The following ITGAD variants were observed in gnomAD, a reference collection of about 807,000 sequenced individuals.
The protein encoded by ITGAD is integrin subunit alpha D, also known as integrin alpha-D.
A neutral mutation model predicts 139.0 loss-of-function variants in ITGAD; 105 were observed. The ratio of observed to expected loss-of-function variants is 0.76; its 90% confidence interval spans 0.65 to 0.89. ITGAD has a LOEUF of 0.89. Ranked by LOEUF, ITGAD falls within the 40% of genes least tolerant of loss-of-function variation. The pLI is 0.00. For synonymous variants in ITGAD, 569 were observed against 598.3 expected (o/e 0.95, Z 0.71); for missense variants, 1,384 against 1,487.3 (o/e 0.93, Z 1.14).
chr16:31,409,181 G>C (rs1567336189), intron 10 of ITGAD, among the ~76,000 whole-genome samples: 1 of 152,032 alleles, frequency 6.6e-6, no homozygotes, highest in African/African-American at 2.4e-5. Context: ...TGTAATCCTA[G>C]CTACTTGGGA....
chr16:31,410,672 G>T, intron 11 of ITGAD, 64 bp from the exon 12 acceptor site: 1 of 1,562,922 alleles, frequency 6.4e-7, no homozygotes, highest in Non-Finnish European at 8.7e-7. Context: ...GCTGCCTGGG[G>T]TGGGGGTCCA....
Position 31,426,185 on chromosome 16 carries a change from A to G in ITGAD, c.*57A>G. On this transcript the variant is annotated 3_prime_UTR_variant, in exon 30 of 30. Transcript: ENST00000389202. ...TGGGCTGGACTTGCTTGCAACCATA[A>G]ATCAACTTACATGGAAACAACTTCT... 8.3e-7 allele frequency: 1 copy of G among 1,204,162 alleles called. No homozygotes were observed. Among genetic ancestry groups the G allele is most frequent in the Non-Finnish European group, 1.2e-6 (1 of 822,158 alleles). 74.6% of individuals were successfully genotyped at this position (1,204,162 alleles called of 1,614,324 possible). A position where few individuals can be genotyped will look rare whatever the true frequency, so the allele number is the denominator to read the frequency against.
At chr16:31,394,369 A>G (rs934633495) in intron 2 of ITGAD, 28 bp downstream of exon 2, 3 of 1,524,384 alleles carry the variant, frequency 2.0e-6, no homozygotes, top group Non-Finnish European at 1.8e-6. Flanking sequence ...TCCTTCCCCA[A>G]CCTCCACTAC....
Position 31,403,092 on chromosome 16 carries a change from G to A in ITGAD, c.559-408G>A, listed in dbSNP as rs1357619816. The A allele has an allele frequency of 6.5e-6, 1 of 153,022 alleles. No homozygotes were observed. The highest frequency in any genetic ancestry group is 6.5e-5 in the Admixed American group (1 of 15,332). 9.5% of individuals were successfully genotyped at this position (153,022 alleles called of 1,614,324 possible). A position where few individuals can be genotyped will look rare whatever the true frequency, so the allele number is the denominator to read the frequency against. ...TTGGGCCAATGAATTTTCTTCTCTG[G>A]GTTTCAGTATATTATTTGTAGGGCT... On this transcript the variant is annotated intron_variant, in intron 6 of 29. Coordinates refer to ENST00000389202, the MANE Select transcript of ITGAD (RefSeq NM_005353.3). The surrounding 1 kb of genome is among the most constrained non-coding windows in gnomAD (Gnocchi z 4.4).
intron 23 of ITGAD, among the ~76,000 whole-genome samples, chr16:31,419,057 G>T (rs1424281194): frequency 6.6e-6 from 1 of 150,760 alleles, no homozygotes; most frequent in Non-Finnish European, 1.5e-5. Context: ...GCTGGGCCTG[G>T]TGGCGCATGC....
At position 31,426,348 on chromosome 16, in the gene ITGAD, G is replaced by C; in HGVS notation, c.*220G>C. 4.1e-6 allele frequency: 2 copies of C among 488,042 alleles called. No individual in the cohort carries two copies. The highest frequency in any genetic ancestry group is 7.4e-6 in the Non-Finnish European group (2 of 270,364). 30.2% of individuals were successfully genotyped at this position (488,042 alleles called of 1,614,324 possible). A position where few individuals can be genotyped will look rare whatever the true frequency, so the allele number is the denominator to read the frequency against. On this transcript the variant is annotated 3_prime_UTR_variant, in exon 30 of 30. Coordinates refer to ENST00000389202, the MANE Select transcript of ITGAD (RefSeq NM_005353.3). ...TTTTACAGAAGCAGGCATGGTGCCA[G>C]CATAAATTTTCATATGCTTAAGAAT...
chr16:31,404,509 A>T (rs1191143066), intron 7 of ITGAD: 1 of 152,180 alleles, frequency 6.6e-6, no homozygotes, highest in African/African-American at 2.4e-5. Flanking sequence ...TGACTCAGCA[A>T]CCCAGAGGAA....
chr16:31,394,137 A>G (rs568896890), intron 1 of ITGAD, 99 bp from the exon 2 acceptor site: 3 of 610,050 alleles, frequency 4.9e-6, no homozygotes, highest in Admixed American at 3.2e-5. Flanking sequence ...TCTCAAAAAA[A>G]AAAAAAAAAA....
chr16:31,402,710 C>T (rs2081439113), intron 6 of ITGAD: 1 of 154,014 alleles, frequency 6.5e-6, no homozygotes, highest in Non-Finnish European at 1.4e-5. Flanking sequence ...TCAAGTGATC[C>T]TCTTTCCTCA....
chr16:31,416,638 G>A lies in ITGAD; in HGVS notation c.2491G>A (p.Gly831Arg), dbSNP rs1597151888. ...AGGGCTGTCGCACCGACGGGTGTCA[G>A]GAGCCCAGGTAACAACTGCTGTAGG... ...PAGLSHRRVS[G>R]AQKQPHQSAL... The change falls in exon 20 of 30, where the codon GGA (glycine) becomes AGA (arginine). Residue 831 changes from glycine to arginine, a missense_variant. Gly to Arg is a moderately radical substitution (Grantham distance 125). Coordinates refer to ENST00000389202, the MANE Select transcript of ITGAD (RefSeq NM_005353.3). The A allele has an allele frequency of 6.2e-7, 1 of 1,608,236 alleles. No homozygotes were observed. Among genetic ancestry groups the A allele is most frequent in the Non-Finnish European group, 8.5e-7 (1 of 1,175,482 alleles).
intron 10 of ITGAD, among the ~76,000 whole-genome samples, chr16:31,409,176 T>C (rs796885243): frequency 1.2e-4 from 19 of 152,232 alleles, no homozygotes; most frequent in African/African-American, 4.6e-4. Flanking sequence ...ATGCCTGTAA[T>C]CCTAGCTACT....
Position 31,407,626 on chromosome 16 carries a change from C to T in ITGAD, c.816C>T (p.Ile272=). Residue 272 remains isoleucine (I), a synonymous_variant, in exon 8 of 30, where the codon ATC becomes ATT. Coordinates refer to ENST00000389202, the MANE Select transcript of ITGAD (RefSeq NM_005353.3). ...YKDPLEYSDV[I]PQAEKAGIIR... ...ACCCCCTGGAATACAGTGATGTCAT[C>T]CCCCAGGCAGAGAAGGCTGGCATCA... 1 of 1,614,120 alleles carries T rather than the reference C, an allele frequency of 6.2e-7. No homozygotes were observed. The highest frequency in any genetic ancestry group is 8.5e-7 in the Non-Finnish European group (1 of 1,179,996).
intron 2 of ITGAD, among the ~76,000 whole-genome samples, 187 bp downstream of exon 2, chr16:31,394,528 T>C (rs2081219067): frequency 6.6e-6 from 1 of 152,104 alleles, no homozygotes. Flanking sequence ...CACAAAACTC[T>C]AGACAAGACC....
chr16:31,394,871 G>C (rs2081227189), intron 2 of ITGAD, among the ~76,000 whole-genome samples: 1 of 152,106 alleles, frequency 6.6e-6, no homozygotes, highest in Non-Finnish European at 1.5e-5. Flanking sequence ...TACAGAGATG[G>C]AGTCTTGCTA....
rs368640711 is a variant in ITGAD, at chr16:31,401,175, G to C, written c.428-940G>C. ...CTCAGGAGACTGAGGTGGGAGAATTGCCTGAGCCTGGGGAGGTCGAGGCTG... is the reference window on the plus strand; with the variant it reads ...CTCAGGAGACTGAGGTGGGAGAATTCCCTGAGCCTGGGGAGGTCGAGGCTG... On this transcript the variant is annotated intron_variant, in intron 5 of 29. Transcript: ENST00000389202. Among the ~76,000 whole-genome samples, 16 of 152,190 alleles carry C rather than the reference G, an allele frequency of 1.1e-4. No homozygotes were observed. The East Asian group carries it at 1.4e-3, about 13-fold the overall frequency.
At position 31,423,690 on chromosome 16, in the gene ITGAD, A is replaced by AC. The variant is rs777388068; in HGVS notation, c.3045+44dup. 1.9e-6 allele frequency: 3 copies of AC among 1,573,658 alleles called. No individual in the cohort carries two copies. In the African/African-American group the frequency reaches 4.1e-5, roughly 21 times the overall value. Reference sequence around the variant, plus strand: ...ACCCCCACCGCCAAGATCAGCCCCCACCGGGGATACTGGGAAATGTACTGC... The same window carrying AC: ...ACCCCCACCGCCAAGATCAGCCCCCACCCGGGGATACTGGGAAATGTACTGC... On this transcript the variant is annotated intron_variant, in intron 26 of 29. Coordinates refer to ENST00000389202, the MANE Select transcript of ITGAD (RefSeq NM_005353.3).
At chr16:31,395,103 G>C (rs1351537072) in intron 2 of ITGAD, among the ~76,000 whole-genome samples, 2 of 152,154 alleles carry the variant, frequency 1.3e-5, no homozygotes, top group Admixed American at 6.6e-5. Flanking sequence ...GATCATCTGA[G>C]GCCAGGAGTT....
At chr16:31,420,480 C>T (rs1183133979) in intron 23 of ITGAD, among the ~76,000 whole-genome samples, 2 of 152,108 alleles carry the variant, frequency 1.3e-5, no homozygotes, top group Non-Finnish European at 2.9e-5. Context: ...TCACTGCAAC[C>T]TCCACCTCCC....
intron 17 of ITGAD, 118 bp downstream of exon 17, chr16:31,414,723 G>C: frequency 1.3e-6 from 2 of 1,550,366 alleles, no homozygotes; most frequent in Non-Finnish European, 1.8e-6. Context: ...TGGAGAGAGG[G>C]ACATTAGGGC....
Sources: gnomAD v4.1 joint callset for allele counts (sites outside exome capture counted in the v4.1 genomes callset) on GRCh38, gnomAD v4.1.1 for gene constraint, Gnocchi (gnomAD v3.1) non-coding constraint, MANE v1.5 for transcripts, NCBI Gene and HGNC (gene_info 2026-07-23, HGNC 2026-07-21) for gene names.